The following SGCZ variants were observed in gnomAD, a reference collection of about 807,000 sequenced individuals.
The protein encoded by SGCZ is zeta-sarcoglycan.
In SGCZ, 40 loss-of-function variants were observed where a neutral mutation model predicts 41.3. The ratio of observed to expected loss-of-function variants is 0.97; its 90% CI spans 0.75 to 1.26. The LOEUF (loss-of-function observed/expected upper bound fraction) is 1.26. SGCZ is among the 50% of genes most tolerant of loss of function. The pLI, the probability that SGCZ is intolerant of heterozygous loss-of-function variation, is 0.00. For synonymous variants in SGCZ, 206 were observed against 137.5 expected (o/e 1.50, Z -3.49); for missense variants, 552 against 369.8 (o/e 1.49, Z -4.04).
chr8:14,523,897 T>C (rs1802863477), intron 2 of SGCZ, among the ~76,000 whole-genome samples: 1 of 152,130 alleles, frequency 6.6e-6, no homozygotes, highest in South Asian at 2.1e-4. Context: ...TTCTTTCTAT[T>C]GCTCAGATTA....
Position 14,121,161 on chromosome 8 carries a change from A to G in SGCZ, c.548-12926T>C, listed in dbSNP as rs114497880. Among the ~76,000 whole-genome samples, 356 of 152,284 alleles carry G rather than the reference A, an allele frequency of 2.3e-3. 2 individuals carry two copies. The highest frequency in any genetic ancestry group is 8.2e-3 in the African/African-American group (339 of 41,590). Reference sequence around the variant, plus strand: ...GAAACTCAACTTAATGGCAAAGTCAATGTTGAATATTGAACATAAAATTTA... The same window carrying G: ...GAAACTCAACTTAATGGCAAAGTCAGTGTTGAATATTGAACATAAAATTTA... On this transcript the variant is annotated intron_variant, in intron 5 of 7. Coordinates refer to ENST00000382080, the MANE Select transcript of SGCZ (RefSeq NM_139167.4).
chr8:15,187,886 A>AC (rs1404236678), intron 1 of SGCZ, among the ~76,000 whole-genome samples: 6 of 152,010 alleles, frequency 3.9e-5, no homozygotes, highest in Non-Finnish European at 8.8e-5. Flanking sequence ...AAATAAACTC[A>AC]CCAAATACTA....
At chr8:14,494,627 CT>C (rs149524829) in intron 2 of SGCZ, among the ~76,000 whole-genome samples, 59 of 152,268 alleles carry the variant, frequency 3.9e-4, no homozygotes, top group Non-Finnish European at 7.1e-4. Context: ...TTTACCAATA[CT>C]TGCAACAGGC....
chr8:14,945,737 C>T (rs973885015), intron 1 of SGCZ, among the ~76,000 whole-genome samples: 3 of 151,626 alleles, frequency 2.0e-5, no homozygotes, highest in Non-Finnish European at 4.4e-5. Context: ...CTTTCTCCCT[C>T]TCCTGAAGCT....
intron 1 of SGCZ, among the ~76,000 whole-genome samples, chr8:14,816,736 T>G (rs1801913128): frequency 6.6e-6 from 1 of 152,228 alleles, no homozygotes; most frequent in Admixed American, 6.5e-5. Flanking sequence ...AAAAGAATTG[T>G]AAGCTCCATA....
At chr8:14,600,619 C>T (rs1477475821) in intron 1 of SGCZ, among the ~76,000 whole-genome samples, 4 of 152,146 alleles carry the variant, frequency 2.6e-5, no homozygotes, top group Non-Finnish European at 5.9e-5. Flanking sequence ...ACAACAGGTG[C>T]TGCACCCAGG....
In SGCZ at chr8:14,605,633, C is replaced by T. The variant is rs1380765763; in HGVS notation, c.40-50707G>A. Among the ~76,000 whole-genome samples the T allele has an allele frequency of 2.6e-5, 4 of 152,228 alleles. No homozygotes were observed. The Middle Eastern group carries it at 0.01, about 388-fold the overall frequency. ...CCTAAGTTCAATTAATTTTTAGGTTCCACAAATTGGTACATTCTAGAATTT... is the reference window on the plus strand; with the variant it reads ...CCTAAGTTCAATTAATTTTTAGGTTTCACAAATTGGTACATTCTAGAATTT... On this transcript the variant is annotated intron_variant, in intron 1 of 7. Transcript: ENST00000382080.
intron 2 of SGCZ, among the ~76,000 whole-genome samples, chr8:14,517,863 A>G (rs17334533): frequency 0.038 from 5,717 of 151,776 alleles, 125 homozygotes; most frequent in East Asian, 0.079. Context: ...GTATTATCAT[A>G]TTTTTAAATC....
intron 5 of SGCZ, among the ~76,000 whole-genome samples, chr8:14,138,901 C>A (rs1352162960): frequency 6.6e-6 from 1 of 152,160 alleles, no homozygotes; most frequent in Admixed American, 6.5e-5. Flanking sequence ...CTTCTAAGCA[C>A]CAAATCGCAC....
At chr8:14,647,705 T>C (rs947045347) in intron 1 of SGCZ, among the ~76,000 whole-genome samples, 156 of 152,090 alleles carry the variant, frequency 1.0e-3, no homozygotes, top group African/African-American at 3.5e-3. Flanking sequence ...AATATATATG[T>C]AGGTATACTA....
chr8:14,878,738 A>T (rs1804463630), intron 1 of SGCZ, among the ~76,000 whole-genome samples: 1 of 152,232 alleles, frequency 6.6e-6, no homozygotes, highest in African/African-American at 2.4e-5. Context: ...CACTAAATAA[A>T]GAATGGCAGA....
rs147698558 is a variant in SGCZ at position 15,237,913 on chromosome 8, G to GA, written c.-291dup. The GA allele has an allele frequency of 8.6e-3, 2,021 of 236,048 alleles. 31 individuals are homozygous for GA. Among genetic ancestry groups the GA allele is most frequent in the African/African-American group, 0.041 (1,773 of 43,442 alleles). The allele number at this position is 236,048 out of a possible 1,614,324, so 14.6% of individuals were successfully genotyped here. On this transcript the variant is annotated 5_prime_UTR_variant, in exon 1 of 8. Coordinates refer to ENST00000382080, the MANE Select transcript of SGCZ (RefSeq NM_139167.4). ...TGAAACAGGGGCCAAAAGAAAAAAG[G>GA]AAAAAAAAATCCACTCTATTTAAGA...
chr8:14,781,997 C>T (rs1800603226), intron 1 of SGCZ, among the ~76,000 whole-genome samples: 1 of 152,052 alleles, frequency 6.6e-6, no homozygotes, highest in South Asian at 2.1e-4. Flanking sequence ...TAAATTGAAC[C>T]ATCCTGAGTT....
At chr8:14,350,168 C>A (rs1206650259) in intron 2 of SGCZ, among the ~76,000 whole-genome samples, 2 of 149,152 alleles carry the variant, frequency 1.3e-5, no homozygotes, top group Non-Finnish European at 2.9e-5. Flanking sequence ...AACAAACAAA[C>A]AAATACTGAA....
intron 1 of SGCZ, among the ~76,000 whole-genome samples, chr8:15,022,865 A>G (rs1803307718): frequency 6.6e-6 from 1 of 152,228 alleles, no homozygotes; most frequent in African/African-American, 2.4e-5. Flanking sequence ...CATTTCATAG[A>G]TAAAGACGTT....
chr8:14,978,787 A>C (rs934848489), intron 1 of SGCZ, among the ~76,000 whole-genome samples: 4 of 130,126 alleles, frequency 3.1e-5, no homozygotes, highest in Non-Finnish European at 5.3e-5. Context: ...CTGCCATCAG[A>C]GTTTACAATT....
At chr8:15,181,907 A>T (rs925049300) in intron 1 of SGCZ, among the ~76,000 whole-genome samples, 6 of 152,090 alleles carry the variant, frequency 3.9e-5, no homozygotes, top group South Asian at 2.1e-4. Flanking sequence ...ACCTTCTTCT[A>T]ATGCTTTTAA....
rs563121033 is a variant in SGCZ at position 15,092,532 on chromosome 8, G to A, written c.39+145053C>T. Among the ~76,000 whole-genome samples, 16 of 152,214 alleles carry A rather than the reference G, an allele frequency of 1.1e-4. No homozygotes were observed. The South Asian group carries it at 2.7e-3, about 26-fold the overall frequency. On this transcript the variant is annotated intron_variant, in intron 1 of 7. Coordinates refer to ENST00000382080, the MANE Select transcript of SGCZ (RefSeq NM_139167.4). ...AAAATTTCTCATTTACATATTAAAT[G>A]AATATCCATTGCTTTGTACAAGGAG...
chr8:14,286,205 C>T lies in SGCZ; in HGVS notation c.336+37898G>A, dbSNP rs1243650172. Among the ~76,000 whole-genome samples, 3 of 152,076 alleles carry T rather than the reference C, an allele frequency of 2.0e-5. 1 individual carries two copies. The South Asian group carries it at 6.2e-4, about 31-fold the overall frequency. ...ATTCTATCTATGGGATACCAAAGTG[C>T]TCTGCTAATTCCTTGAAGTGACTTT... is the stretch of plus-strand genomic sequence containing the variant. On this transcript the variant is annotated intron_variant, in intron 3 of 7. Coordinates refer to ENST00000382080, the MANE Select transcript of SGCZ (RefSeq NM_139167.4).
Sources: allele counts gnomAD v4.1 joint callset (sites outside exome capture counted in the v4.1 genomes callset), GRCh38; gene constraint gnomAD v4.1.1; transcripts MANE v1.5; gene names NCBI Gene and HGNC (gene_info 2026-07-23, HGNC 2026-07-21).